Variants in CLEC16A observed in about 807,000 individuals in gnomAD.
CLEC16A encodes protein CLEC16A.
CLEC16A carries 51 observed loss-of-function variants against 109.5 expected under a neutral mutation model. The ratio of observed to expected loss-of-function variants is 0.47; its 90% CI spans 0.37 to 0.59. The LOEUF (loss-of-function observed/expected upper bound fraction) is 0.59, where lower values mean the gene tolerates loss of function less well. Among genes scored for constraint, CLEC16A ranks in the 20% least tolerant of loss-of-function variants. The pLI is 0.00. For missense variants in CLEC16A, 1,339 were observed against 1,394.0 expected (o/e 0.96, Z 0.63); for synonymous variants, 673 against 564.2 (o/e 1.19, Z -2.73).
At chr16:11,033,416 A>G (rs1288764538) in intron 13 of CLEC16A, among the ~76,000 whole-genome samples, 1 of 152,152 alleles carries the variant, frequency 6.6e-6, no homozygotes, top group Non-Finnish European at 1.5e-5. Context: ...TGGAGAAGAA[A>G]CGGAAAAGTT....
chr16:11,057,188 A>G (rs1567256441), intron 18 of CLEC16A, among the ~76,000 whole-genome samples: 1 of 152,210 alleles, frequency 6.6e-6, no homozygotes, highest in Non-Finnish European at 1.5e-5. Context: ...CCCACATTAA[A>G]CTGCTTCGGC....
intron 19 of CLEC16A, among the ~76,000 whole-genome samples, chr16:11,085,921 G>A (rs761650121): frequency 3.3e-5 from 5 of 152,100 alleles, no homozygotes; most frequent in African/African-American, 4.8e-5. Context: ...GAGATTGGGC[G>A]GGGACAAACA....
At chr16:11,108,988 G>A (rs561789599) in intron 19 of CLEC16A, among the ~76,000 whole-genome samples, 5 of 151,810 alleles carry the variant, frequency 3.3e-5, no homozygotes, top group African/African-American at 9.6e-5. Context: ...GCGGGCGCCT[G>A]TAGTCCCAGT....
intron 19 of CLEC16A, among the ~76,000 whole-genome samples, chr16:11,094,257 G>A (rs1039309652): frequency 6.6e-6 from 1 of 152,172 alleles, no homozygotes; most frequent in African/African-American, 2.4e-5. Flanking sequence ...GGGCTCAAAG[G>A]GGAAACTGAA....
At chr16:11,147,473 A>G (rs937791678) in intron 22 of CLEC16A, among the ~76,000 whole-genome samples, 2 of 152,214 alleles carry the variant, frequency 1.3e-5, no homozygotes, top group African/African-American at 2.4e-5. Flanking sequence ...CTGGAGGGCA[A>G]GGTTCTCTGA....
intron 11 of CLEC16A, among the ~76,000 whole-genome samples, chr16:11,019,552 TG>T (rs542278354): frequency 3.7e-4 from 57 of 152,302 alleles, no homozygotes; most frequent in African/African-American, 1.3e-3. Context: ...GTGGATCACC[TG>T]AGGTCAGGAA....
intron 19 of CLEC16A, among the ~76,000 whole-genome samples, chr16:11,080,745 C>T (rs1299719985): frequency 6.6e-6 from 1 of 152,184 alleles, no homozygotes; most frequent in Non-Finnish European, 1.5e-5. Context: ...TTCTCAAAGC[C>T]AGCAGTGGCA....
At chr16:11,173,901 C>T (rs1236258768) in intron 23 of CLEC16A, among the ~76,000 whole-genome samples, 1 of 152,176 alleles carries the variant, frequency 6.6e-6, no homozygotes, top group Non-Finnish European at 1.5e-5. Context: ...GGTTAAGTTG[C>T]ACGAGTGAAC....
rs1208683944 is a variant in CLEC16A at position 10,945,488 on chromosome 16, G to T, written c.80+691G>T. Among the ~76,000 whole-genome samples the T allele has an allele frequency of 2.0e-5, 3 of 152,306 alleles. No homozygotes were observed. In the East Asian group the frequency reaches 5.8e-4, roughly 29 times the overall value. On this transcript the variant is annotated intron_variant, in intron 1 of 23. Transcript: ENST00000409790. ...ACTCTACAGCTCTGGGGGAGGACAG[G>T]TGGCAGATAGGGTCTTGGGACCAGG... is the stretch of plus-strand genomic sequence containing the variant.
chr16:11,140,027 C>G (rs1355951656), intron 22 of CLEC16A, among the ~76,000 whole-genome samples: 3 of 152,232 alleles, frequency 2.0e-5, no homozygotes, highest in African/African-American at 7.2e-5. Flanking sequence ...CCCGGAGTCT[C>G]AAAGTTCATC....
chr16:11,074,163 T>C (rs935966283), intron 19 of CLEC16A, among the ~76,000 whole-genome samples: 2 of 152,130 alleles, frequency 1.3e-5, no homozygotes, highest in African/African-American at 4.8e-5. Context: ...CTTTTTTTTC[T>C]TTTTTCTTTT....
chr16:10,966,794 A>C (rs1393459559), intron 3 of CLEC16A, among the ~76,000 whole-genome samples: 1 of 152,182 alleles, frequency 6.6e-6, no homozygotes, highest in Non-Finnish European at 1.5e-5. Context: ...AACCACCCCC[A>C]TGATTCAATT....
chr16:10,999,735 C>T (rs970482869), intron 10 of CLEC16A, among the ~76,000 whole-genome samples: 1 of 152,148 alleles, frequency 6.6e-6, no homozygotes, highest in Non-Finnish European at 1.5e-5. Flanking sequence ...TTCATTCTTG[C>T]AGCTGATTTT....
At chr16:11,036,121 T>C (rs899160223) in intron 13 of CLEC16A, 2 of 152,470 alleles carry the variant, frequency 1.3e-5, no homozygotes, top group African/African-American at 4.8e-5. Flanking sequence ...GCCGGAAGCA[T>C]GGAGACCACT....
At chr16:11,119,723 G>C (rs2153022574) in intron 19 of CLEC16A, among the ~76,000 whole-genome samples, 1 of 152,162 alleles carries the variant, frequency 6.6e-6, no homozygotes, top group South Asian at 2.1e-4. Flanking sequence ...GGTGTGCTCT[G>C]GCTCTTTGGG....
At chr16:10,992,165 C>A (rs1232135639) in intron 10 of CLEC16A, among the ~76,000 whole-genome samples, 1 of 152,144 alleles carries the variant, frequency 6.6e-6, no homozygotes, top group African/African-American at 2.4e-5. Flanking sequence ...AAATACAATA[C>A]CTTACTGTTA....
At chr16:10,957,582 G>A (rs554206991) in intron 1 of CLEC16A, among the ~76,000 whole-genome samples, 200 bp from the exon 2 acceptor site, 1 of 152,242 alleles carries the variant, frequency 6.6e-6, no homozygotes, top group Admixed American at 6.5e-5. Context: ...CTGGGTTGGT[G>A]TGTCCTTGGT....
At chr16:11,025,050 C>G in intron 13 of CLEC16A, 129 bp downstream of exon 13, 1 of 704,914 alleles carries the variant, frequency 1.4e-6, no homozygotes, top group Non-Finnish European at 2.4e-6. Flanking sequence ...TTTGGTGGTC[C>G]TTTTTGGTTT....
intron 1 of CLEC16A, among the ~76,000 whole-genome samples, chr16:10,950,536 T>A (rs2041674474): frequency 6.6e-6 from 1 of 152,204 alleles, no homozygotes; most frequent in Non-Finnish European, 1.5e-5. Context: ...TTGCCGGCCC[T>A]GTTTGACATC....
Sources: allele counts gnomAD v4.1 joint callset (sites outside exome capture counted in the v4.1 genomes callset), GRCh38; gene constraint gnomAD v4.1.1; transcripts MANE v1.5; gene names NCBI Gene and HGNC (gene_info 2026-07-23, HGNC 2026-07-21).